Variants in TG observed in about 807,000 individuals in gnomAD.
TG encodes thyroglobulin.
In TG, 270 loss-of-function variants were observed where a neutral mutation model predicts 324.7. The ratio of observed to expected loss-of-function variants is 0.83; its 90% CI spans 0.75 to 0.92. The LOEUF (loss-of-function observed/expected upper bound fraction) is 0.92, where lower values mean the gene tolerates loss of function less well. Ranked by LOEUF, TG falls within the 40% of genes least tolerant of loss-of-function variation. The pLI is 0.00. For synonymous variants in TG, 1,401 were observed against 1,327.0 expected (o/e 1.06, Z -1.21); for missense variants, 3,591 against 3,456.4 (o/e 1.04, Z -0.98).
At chr8:133,002,803 C>A in intron 35 of TG, 1 of 227,244 alleles carries the variant, frequency 4.4e-6, no homozygotes, top group South Asian at 6.4e-5. Flanking sequence ...TTAATGTGCT[C>A]AATACCCACA....
intron 43 of TG, among the ~76,000 whole-genome samples, chr8:133,112,833 C>T (rs1486355906): frequency 6.6e-6 from 1 of 152,194 alleles, no homozygotes; most frequent in Non-Finnish European, 1.5e-5. Flanking sequence ...TTTTCCACCT[C>T]TGCCACTAGA....
At chr8:132,998,874 G>A (rs1358121157) in intron 35 of TG, among the ~76,000 whole-genome samples, 1 of 152,178 alleles carries the variant, frequency 6.6e-6, no homozygotes, top group African/African-American at 2.4e-5. Context: ...TGAGACCAGA[G>A]TTTCAAATGG....
chr8:133,095,345 CATTCCCT>C, intron 42 of TG, 137 bp downstream of exon 42: 1 of 1,207,300 alleles, frequency 8.3e-7, no homozygotes, highest in Non-Finnish European at 1.2e-6. Flanking sequence ...CTGGAACTCA[CATTCCCT>C]AGCCCCTAGA....
At chr8:132,993,920 C>G (rs1832625281) in intron 35 of TG, among the ~76,000 whole-genome samples, 1 of 152,206 alleles carries the variant, frequency 6.6e-6, no homozygotes, top group Non-Finnish European at 1.5e-5. Context: ...TCCTTCTTAG[C>G]TATGGAAGAT....
intron 41 of TG, among the ~76,000 whole-genome samples, chr8:133,077,727 T>C (rs898294034): frequency 1.5e-5 from 2 of 134,712 alleles, no homozygotes; most frequent in African/African-American, 5.9e-5. Context: ...GGGCATTCTC[T>C]GGTGTGTATG....
At chr8:133,111,302 G>C (rs1388111174) in intron 43 of TG, among the ~76,000 whole-genome samples, 1 of 152,142 alleles carries the variant, frequency 6.6e-6, no homozygotes, top group Non-Finnish European at 1.5e-5. Flanking sequence ...AACAAGCTAG[G>C]CAGGTTCTCT....
At chr8:132,906,968 T>C (rs1319401446) in intron 17 of TG, 68 bp downstream of exon 17, 2 of 1,499,172 alleles carry the variant, frequency 1.3e-6, no homozygotes, top group South Asian at 1.2e-5. Flanking sequence ...GACCGAGATA[T>C]GGAGGCGTGG....
intron 41 of TG, among the ~76,000 whole-genome samples, chr8:133,083,743 A>T (rs1432146258): frequency 2.0e-5 from 3 of 152,110 alleles, no homozygotes. Context: ...TTTGAAGAGG[A>T]TAATGTTGGA....
intron 41 of TG, among the ~76,000 whole-genome samples, chr8:133,064,545 C>G (rs889068980): frequency 1.3e-5 from 2 of 152,220 alleles, no homozygotes; most frequent in East Asian, 3.8e-4. Flanking sequence ...AGGACCTACA[C>G]TTTTTGTTCA....
At chr8:132,993,116 G>A (rs1279139820) in intron 35 of TG, among the ~76,000 whole-genome samples, 2 of 152,224 alleles carry the variant, frequency 1.3e-5, no homozygotes, top group Admixed American at 6.5e-5. Flanking sequence ...TTAGCAAAAT[G>A]TCCAGTATAG....
intron 41 of TG, among the ~76,000 whole-genome samples, chr8:133,085,278 G>T (rs17703282): frequency 0.26 from 38,904 of 152,060 alleles, 5,175 homozygotes; most frequent in South Asian, 0.3. Flanking sequence ...GGCAGAACTC[G>T]TGGACCTTGC....
intron 41 of TG, among the ~76,000 whole-genome samples, chr8:133,055,480 C>T (rs1191392479): frequency 6.6e-6 from 1 of 151,904 alleles, no homozygotes; most frequent in Non-Finnish European, 1.5e-5. Context: ...CCGAGTTCTG[C>T]GGGTCACCAT....
In TG at chr8:132,892,649, T is replaced by TA. The variant is rs528795395; in HGVS notation, c.2762-1041_2762-1040insA. ...AATGTGCTCACGTGTGGGTGTGTAT[T>TA]GTGTAGTGTGTGTATGTGTGTGCTG... On this transcript the variant is annotated intron_variant, in intron 10 of 47. Transcript: ENST00000220616. Among the ~76,000 whole-genome samples the TA allele has an allele frequency of 9.2e-5, 14 of 152,208 alleles. No homozygotes were observed. The South Asian group carries it at 2.9e-3, about 32-fold the overall frequency.
chr8:132,998,489 T>C (rs1262565815), intron 35 of TG, among the ~76,000 whole-genome samples: 2 of 152,176 alleles, frequency 1.3e-5, no homozygotes, highest in African/African-American at 4.8e-5. Context: ...TGAGACAAGC[T>C]GCAGGGAAAG....
intron 11 of TG, among the ~76,000 whole-genome samples, chr8:132,894,823 A>G (rs1266740848): frequency 3.3e-5 from 5 of 152,220 alleles, no homozygotes; most frequent in Non-Finnish European, 5.9e-5. Context: ...AGATTATCAG[A>G]TCTTCACATT....
At chr8:133,055,365 GCA>G (rs869172140) in intron 41 of TG, among the ~76,000 whole-genome samples, 772 of 62,244 alleles carry the variant, frequency 0.012, 8 homozygotes, top group Middle Eastern at 0.062. Context: ...ACGCACGCGC[GCA>G]CACACACACA....
At position 133,122,367 on chromosome 8, in the gene TG, G is replaced by A. The variant is rs1424842561; in HGVS notation, c.7862+5651G>A. The stretch of plus-strand genomic sequence containing the variant: ...AAGAATCATAGAATATAGAAGATGA[G>A]ACCGTCTAGCTCCTTCATTTTACAT... On this transcript the variant is annotated intron_variant, in intron 45 of 47. Coordinates refer to ENST00000220616, the MANE Select transcript of TG (RefSeq NM_003235.5). Among the ~76,000 whole-genome samples, 24 of 152,184 alleles carry A rather than the reference G, an allele frequency of 1.6e-4. 1 individual carries two copies. Among genetic ancestry groups the A allele is most frequent in the Admixed American group, 1.6e-3 (24 of 15,284 alleles).
At chr8:132,904,986 A>G (rs1310307749) in intron 16 of TG, among the ~76,000 whole-genome samples, 1 of 152,012 alleles carries the variant, frequency 6.6e-6, no homozygotes, top group Non-Finnish European at 1.5e-5. Flanking sequence ...AGAGGCATTC[A>G]CCCTCTGTGT....
chr8:132,920,204 G>C (rs1482221760), intron 21 of TG, among the ~76,000 whole-genome samples: 1 of 152,134 alleles, frequency 6.6e-6, no homozygotes, highest in Admixed American at 6.5e-5. Flanking sequence ...GATTTCACTC[G>C]ACCTACTTAC....
Sources: gnomAD v4.1 joint callset for allele counts (sites outside exome capture counted in the v4.1 genomes callset) on GRCh38, gnomAD v4.1.1 for gene constraint, MANE v1.5 for transcripts, NCBI Gene and HGNC (gene_info 2026-07-23, HGNC 2026-07-21) for gene names.